Variants in ANO3 observed in about 807,000 individuals in gnomAD.
The protein encoded by ANO3 is anoctamin-3.
Under a neutral mutation model 144.8 loss-of-function variants are expected in ANO3, and 99 were observed. The observed-to-expected ratio is 0.68, with a 90% confidence interval of 0.58 to 0.81. The LOEUF (loss-of-function observed/expected upper bound fraction) is 0.81, where lower values mean the gene tolerates loss of function less well. ANO3 is among the 30% of genes least tolerant of loss of function. The pLI is 0.00. For missense variants in ANO3, 905 were observed against 1,202.2 expected (o/e 0.75, Z 3.66); for synonymous variants, 414 against 392.6 (o/e 1.05, Z -0.64).
intron 4 of ANO3, among the ~76,000 whole-genome samples, chr11:26,480,674 G>T (rs906243449): frequency 6.6e-6 from 1 of 151,950 alleles, no homozygotes; most frequent in African/African-American, 2.4e-5. Flanking sequence ...CAGGCGTGGT[G>T]GCTCGTACCT....
chr11:26,623,794 AT>A (rs1013518746), intron 17 of ANO3, among the ~76,000 whole-genome samples: 27 of 151,088 alleles, frequency 1.8e-4, no homozygotes, highest in African/African-American at 6.1e-4. Context: ...ATTTTTATTT[AT>A]TTTTTATTTT....
intron 1 of ANO3, among the ~76,000 whole-genome samples, chr11:26,262,723 C>A (rs1216717667): frequency 6.6e-6 from 1 of 151,628 alleles, no homozygotes; most frequent in Non-Finnish European, 1.5e-5. Flanking sequence ...ATAGTAAACA[C>A]ACACACACAC....
chr11:26,277,908 A>G (rs1375548825), intron 1 of ANO3, among the ~76,000 whole-genome samples: 1 of 152,106 alleles, frequency 6.6e-6, no homozygotes, highest in Non-Finnish European at 1.5e-5. Context: ...AGATGGGTTT[A>G]ATATATAAAG....
At position 26,623,442 on chromosome 11, in the gene ANO3, T is replaced by C. The variant is rs529763492; in HGVS notation, c.1837-1020T>C. Among the ~76,000 whole-genome samples the C allele has an allele frequency of 3.3e-5, 5 of 152,334 alleles. No homozygotes were observed. The East Asian group carries it at 9.7e-4, about 29-fold the overall frequency. On this transcript the variant is annotated intron_variant, in intron 17 of 26. Transcript: ENST00000256737. ...AGTACTTCTGTCTATAGCGAATACT[T>C]TCCCAACTATATTTACTTGGAATAT...
At chr11:26,411,728 A>ATT (rs35301801) in intron 1 of ANO3, among the ~76,000 whole-genome samples, 4,818 of 149,652 alleles carry the variant, frequency 0.032, 250 homozygotes, top group African/African-American at 0.11. Flanking sequence ...GAATCCATCC[A>ATT]TTTTTTTTTT....
At chr11:26,431,736 T>C (rs1264281733) in intron 1 of ANO3, among the ~76,000 whole-genome samples, 1 of 152,210 alleles carries the variant, frequency 6.6e-6, no homozygotes, top group Non-Finnish European at 1.5e-5. Context: ...ATCTTGTTCT[T>C]TTTATGGCTG....
chr11:26,294,179 A>T (rs1255994634), intron 1 of ANO3, among the ~76,000 whole-genome samples: 1 of 152,158 alleles, frequency 6.6e-6, no homozygotes, highest in Non-Finnish European at 1.5e-5. Context: ...TCTTTTCTTG[A>T]GGGTCAGAAA....
At chr11:26,407,866 C>A (rs1273398398) in intron 1 of ANO3, among the ~76,000 whole-genome samples, 1 of 151,852 alleles carries the variant, frequency 6.6e-6, no homozygotes, top group African/African-American at 2.4e-5. Flanking sequence ...GGAAATTATA[C>A]CAAACTTTTC....
In ANO3 at chr11:26,430,419, A is replaced by G. The variant is rs188501259; in HGVS notation, c.47-11499A>G. Among the ~76,000 whole-genome samples the G allele has an allele frequency of 1.6e-3, 245 of 152,274 alleles. 3 individuals carry two copies. Among genetic ancestry groups the G allele is most frequent in the Non-Finnish European group, 5.4e-4 (37 of 68,024 alleles). On this transcript the variant is annotated intron_variant, in intron 1 of 26. Coordinates refer to ENST00000256737, the MANE Select transcript of ANO3 (RefSeq NM_031418.4). Reference sequence around the variant, plus strand: ...CAACTCTTATTTGAAAAAAGAAAACATAACTAAAATTGCACAATTCTAAAA... The same window carrying G: ...CAACTCTTATTTGAAAAAAGAAAACGTAACTAAAATTGCACAATTCTAAAA...
At chr11:26,263,879 TA>T (rs1236612945) in intron 1 of ANO3, among the ~76,000 whole-genome samples, 1 of 152,222 alleles carries the variant, frequency 6.6e-6, no homozygotes, top group African/African-American at 2.4e-5. Flanking sequence ...AAGACTAATA[TA>T]GCTTATTACT....
chr11:26,492,742 A>C (rs1860760455), intron 4 of ANO3, among the ~76,000 whole-genome samples: 1 of 152,204 alleles, frequency 6.6e-6, no homozygotes, highest in South Asian at 2.1e-4. Flanking sequence ...TAGTAAAAGG[A>C]CAGAAGAACA....
intron 1 of ANO3, among the ~76,000 whole-genome samples, chr11:26,312,357 C>T (rs1414827173): frequency 6.6e-6 from 1 of 152,204 alleles, no homozygotes; most frequent in Non-Finnish European, 1.5e-5. Context: ...TGGGCATATA[C>T]CCAGTAATGG....
chr11:26,424,719 A>G (rs1461005219), intron 1 of ANO3, among the ~76,000 whole-genome samples: 2 of 152,098 alleles, frequency 1.3e-5, no homozygotes, highest in Non-Finnish European at 2.9e-5. Context: ...CCACCTTACA[A>G]ATGATTAATT....
chr11:26,390,585 T>C (rs958590886), intron 1 of ANO3, among the ~76,000 whole-genome samples: 3 of 152,156 alleles, frequency 2.0e-5, no homozygotes, highest in African/African-American at 7.2e-5. Context: ...ATCTGAGAGA[T>C]GAAGCCATTC....
chr11:26,292,147 A>G (rs11029493), intron 1 of ANO3, among the ~76,000 whole-genome samples: 1 of 151,790 alleles, frequency 6.6e-6, no homozygotes, highest in South Asian at 2.1e-4. Context: ...TTCTCACTTC[A>G]TTTCATTCAT....
chr11:26,643,387 A>G, intron 23 of ANO3, 53 bp downstream of exon 23: 2 of 1,598,732 alleles, frequency 1.3e-6, no homozygotes, highest in Non-Finnish European at 1.7e-6. Flanking sequence ...ATAGGTTGCT[A>G]TGGTTTGAGT....
chr11:26,525,732 A>G, intron 7 of ANO3, 53 bp downstream of exon 7: 1 of 1,410,214 alleles, frequency 7.1e-7, no homozygotes, highest in East Asian at 2.4e-5. Context: ...TTTGAAAAAA[A>G]TAAGAAGATA....
intron 8 of ANO3, among the ~76,000 whole-genome samples, chr11:26,532,406 CTT>C (rs35397870): frequency 6.6e-6 from 1 of 151,440 alleles, no homozygotes; most frequent in African/African-American, 2.4e-5. Flanking sequence ...ACATTCTACT[CTT>C]TTTTTTTAAA....
intron 11 of ANO3, among the ~76,000 whole-genome samples, chr11:26,545,455 T>C (rs1465266212): frequency 6.6e-6 from 1 of 152,030 alleles, no homozygotes; most frequent in Non-Finnish European, 1.5e-5. Context: ...TTGCAATCTG[T>C]TTTTCCATGA....
Sources: allele counts gnomAD v4.1 joint callset (sites outside exome capture counted in the v4.1 genomes callset), GRCh38; gene constraint gnomAD v4.1.1; transcripts MANE v1.5; gene names NCBI Gene and HGNC (gene_info 2026-07-23, HGNC 2026-07-21).